The following IL1RAPL1 variants were observed in gnomAD, a reference collection of about 807,000 sequenced individuals.
IL1RAPL1 encodes interleukin-1 receptor accessory protein-like 1.
A neutral mutation model predicts 48.4 loss-of-function variants in IL1RAPL1; 3 were observed. That is an observed-to-expected ratio of 0.06 (90% CI 0.03 to 0.16). The LOEUF is 0.16. Ranked by LOEUF, IL1RAPL1 falls within the 10% of genes least tolerant of loss-of-function variation. The pLI, the probability that IL1RAPL1 is intolerant of heterozygous loss-of-function variation, is 1.00. For missense variants in IL1RAPL1, 349 were observed against 530.6 expected (o/e 0.66, Z 3.36); for synonymous variants, 185 against 187.7 (o/e 0.99, Z 0.12).
chrX:28,769,570 G>A (rs1469711746), intron 1 of IL1RAPL1, among the ~76,000 whole-genome samples: 6 of 111,814 alleles, frequency 5.4e-5, no homozygotes, highest in Non-Finnish European at 5.6e-5. Context: ...TAGTTTACCT[G>A]GGTAATTTTA....
intron 5 of IL1RAPL1, among the ~76,000 whole-genome samples, chrX:29,432,934 C>T (rs1685220023): frequency 9.0e-6 from 1 of 111,103 alleles, no homozygotes; most frequent in Admixed American, 9.6e-5. Flanking sequence ...GAAAATAAGA[C>T]ACTGCAAATC....
intron 6 of IL1RAPL1, among the ~76,000 whole-genome samples, chrX:29,859,418 T>C (rs1931534897): frequency 9.0e-6 from 1 of 111,552 alleles, no homozygotes; most frequent in Non-Finnish European, 1.9e-5. Context: ...AAACTGTGTT[T>C]TTCCTCCCCA....
chrX:29,507,158 A>C (rs1226425736), intron 5 of IL1RAPL1, among the ~76,000 whole-genome samples: 1 of 108,366 alleles, frequency 9.2e-6, no homozygotes, highest in African/African-American at 3.4e-5. Context: ...GGAGGAAGTA[A>C]AGCCAGCTTA....
intron 7 of IL1RAPL1, 78 bp downstream of exon 7, chrX:29,917,674 ATTTTT>A: frequency 2.2e-6 from 2 of 900,944 alleles, no homozygotes; most frequent in South Asian, 4.5e-5. Flanking sequence ...AGCTGAAAGG[ATTTTT>A]TTTTGTTTTA....
intron 6 of IL1RAPL1, among the ~76,000 whole-genome samples, chrX:29,863,735 A>G (rs1174973029): frequency 4.5e-5 from 5 of 111,864 alleles, no homozygotes; most frequent in Non-Finnish European, 9.4e-5. Context: ...TTTAGTATGC[A>G]TGCAAGAGAA....
chrX:29,005,410 G>T (rs936821681), intron 2 of IL1RAPL1, among the ~76,000 whole-genome samples: 1 of 111,807 alleles, frequency 8.9e-6, no homozygotes, highest in African/African-American at 3.3e-5. Flanking sequence ...GAATATATGA[G>T]ATTAGAATTA....
intron 3 of IL1RAPL1, among the ~76,000 whole-genome samples, chrX:29,319,140 T>G (rs1396919925): frequency 1.3e-5 from 1 of 76,536 alleles, no homozygotes; most frequent in Non-Finnish European, 2.3e-5. Context: ...CACATACGTA[T>G]GATATCTGTC....
At chrX:29,925,650 G>T (rs1181224803) in intron 8 of IL1RAPL1, among the ~76,000 whole-genome samples, 3 of 107,104 alleles carry the variant, frequency 2.8e-5, no homozygotes, top group African/African-American at 1.0e-4. Flanking sequence ...CAATCCTCTG[G>T]CCTCAGCCTC....
At chrX:28,824,008 C>T (rs1936965408) in intron 2 of IL1RAPL1, among the ~76,000 whole-genome samples, 1 of 111,698 alleles carries the variant, frequency 9.0e-6, no homozygotes, top group Admixed American at 9.5e-5. Context: ...TTTTATTTTT[C>T]AATCTTACTG....
chrX:29,613,049 G>A (rs1924142490), intron 5 of IL1RAPL1, among the ~76,000 whole-genome samples: 1 of 111,833 alleles, frequency 8.9e-6, no homozygotes, highest in Admixed American at 9.5e-5. Context: ...TGGCTAACTT[G>A]TTTAAAATTT....
intron 5 of IL1RAPL1, among the ~76,000 whole-genome samples, chrX:29,555,284 A>G (rs998646160): frequency 8.9e-6 from 1 of 112,688 alleles, no homozygotes; most frequent in Non-Finnish European, 1.9e-5. Flanking sequence ...TTTGACCTAC[A>G]GAGATATTTG....
At position 29,828,027 on chromosome X, in the gene IL1RAPL1, C is replaced by T. The variant is rs1472762147; in HGVS notation, c.779-89437C>T. On this transcript the variant is annotated intron_variant, in intron 6 of 10. Coordinates refer to ENST00000378993, the MANE Select transcript of IL1RAPL1 (RefSeq NM_014271.4). ...AGCTGTAGGCCCTACATAGCCTAGA[C>T]CTGTACCTGATATTAACTGCTATTT... Among the ~76,000 whole-genome samples, 5 of 111,697 alleles carry T rather than the reference C, an allele frequency of 4.5e-5. No individual in the cohort carries two copies. The East Asian group carries it at 8.5e-4, about 19-fold the overall frequency.
At chrX:28,791,708 C>T (rs1377712982) in intron 2 of IL1RAPL1, among the ~76,000 whole-genome samples, 1 of 111,968 alleles carries the variant, frequency 8.9e-6, no homozygotes, top group Non-Finnish European at 1.9e-5. Context: ...CTTCCTTCCC[C>T]TAGTGTCTAT....
At chrX:28,922,169 G>A (rs750541566) in intron 2 of IL1RAPL1, among the ~76,000 whole-genome samples, 2 of 111,483 alleles carry the variant, frequency 1.8e-5, no homozygotes, top group South Asian at 7.5e-4. Flanking sequence ...AGGCGGTCAA[G>A]TTTCATTCTA....
At chrX:28,645,347 CAAAAAAAAAAAAAAAAA>C (rs35814453) in intron 1 of IL1RAPL1, among the ~76,000 whole-genome samples, 1 of 29,054 alleles carries the variant, frequency 3.4e-5, no homozygotes, top group African/African-American at 1.2e-4. Flanking sequence ...AATTCCGCCT[CAAAAAAAAAAAAAAAAA>C]AAAAAAAAAG....
At chrX:29,473,967 C>G (rs6526867) in intron 5 of IL1RAPL1, among the ~76,000 whole-genome samples, 2 of 109,352 alleles carry the variant, frequency 1.8e-5, no homozygotes, top group Non-Finnish European at 3.8e-5. Context: ...CTACTTTTTT[C>G]CCCTCATTTT....
chrX:28,610,464 G>A (rs1934133765), intron 1 of IL1RAPL1, among the ~76,000 whole-genome samples: 4 of 112,411 alleles, frequency 3.6e-5, no homozygotes, highest in African/African-American at 1.3e-4. Flanking sequence ...GCATTCCGGT[G>A]CCAATAAGGG....
intron 5 of IL1RAPL1, among the ~76,000 whole-genome samples, chrX:29,653,934 T>G (rs1271112373): frequency 5.5e-5 from 6 of 108,336 alleles, no homozygotes; most frequent in Admixed American, 2.0e-4. Context: ...ATTTATTTAT[T>G]TATTTATTTT....
chrX:29,541,523 A>G (rs1921438682), intron 5 of IL1RAPL1, among the ~76,000 whole-genome samples: 1 of 111,944 alleles, frequency 8.9e-6, no homozygotes, highest in South Asian at 3.7e-4. Context: ...AAGACATGGA[A>G]ACAACCTAGG....
Sources: gnomAD v4.1 joint callset for allele counts (sites outside exome capture counted in the v4.1 genomes callset) on GRCh38, gnomAD v4.1.1 for gene constraint, MANE v1.5 for transcripts, NCBI Gene and HGNC (gene_info 2026-07-23, HGNC 2026-07-21) for gene names.